SYT1: variants seen among roughly 807,000 people sequenced by gnomAD.
SYT1 encodes synaptotagmin-1.
A neutral mutation model predicts 44.8 loss-of-function variants in SYT1; 8 were observed. The observed-to-expected ratio is 0.18, with a 90% CI of 0.10 to 0.32. The LOEUF is 0.32. Ranked by LOEUF, SYT1 falls within the 10% of genes least tolerant of loss-of-function variation. SYT1 has a pLI of 1.00. For synonymous variants in SYT1, 154 were observed against 188.8 expected (o/e 0.82, Z 1.51); for missense variants, 286 against 509.3 (o/e 0.56, Z 4.22).
intron 1 of SYT1, among the ~76,000 whole-genome samples, chr12:78,899,043 CTG>C (rs1875516737): frequency 6.6e-6 from 1 of 152,034 alleles, no homozygotes; most frequent in Non-Finnish European, 1.5e-5. Context: ...TGGCATGACT[CTG>C]TATTAACTTT....
intron 1 of SYT1, among the ~76,000 whole-genome samples, chr12:78,911,265 G>T (rs1009052392): frequency 6.6e-6 from 1 of 151,952 alleles, no homozygotes; most frequent in Non-Finnish European, 1.5e-5. Flanking sequence ...TTTGATTTTG[G>T]ACATGAATAT....
intron 9 of SYT1, among the ~76,000 whole-genome samples, chr12:79,422,554 C>T (rs575466294): frequency 6.6e-6 from 1 of 151,820 alleles, no homozygotes; most frequent in South Asian, 2.1e-4. Context: ...ATTTTGGATA[C>T]CATCCACTTA....
chr12:79,283,645 G>A (rs1879161219), intron 4 of SYT1, among the ~76,000 whole-genome samples: 1 of 152,042 alleles, frequency 6.6e-6, no homozygotes, highest in Admixed American at 6.5e-5. Flanking sequence ...ATGCATGACA[G>A]GATTTTAACT....
At chr12:79,181,838 T>C (rs1470811868) in intron 3 of SYT1, among the ~76,000 whole-genome samples, 1 of 152,088 alleles carries the variant, frequency 6.6e-6, no homozygotes, top group African/African-American at 2.4e-5. Flanking sequence ...ATTGTGTTCC[T>C]ATCAATTCTA....
intron 4 of SYT1, among the ~76,000 whole-genome samples, chr12:79,259,986 A>C (rs1877741481): frequency 6.6e-6 from 1 of 152,200 alleles, no homozygotes; most frequent in African/African-American, 2.4e-5. Flanking sequence ...GAAAAAATTC[A>C]GTGTAGAACC....
chr12:78,940,872 A>G (rs757890816), intron 1 of SYT1, among the ~76,000 whole-genome samples: 3 of 152,130 alleles, frequency 2.0e-5, no homozygotes, highest in Non-Finnish European at 4.4e-5. Context: ...AGATTAGTGG[A>G]CTAGTACAAC....
chr12:79,079,656 A>G (rs921493288), intron 3 of SYT1, among the ~76,000 whole-genome samples: 5 of 152,060 alleles, frequency 3.3e-5, no homozygotes, highest in Non-Finnish European at 7.4e-5. Flanking sequence ...AATGTTCTAT[A>G]TCAACCACAG....
At chr12:79,297,911 C>T (rs1879951189) in intron 7 of SYT1, among the ~76,000 whole-genome samples, 3 of 152,158 alleles carry the variant, frequency 2.0e-5, no homozygotes, top group Admixed American at 2.0e-4. Context: ...GAAGGAGCTA[C>T]TAATCATTCA....
At chr12:79,253,483 GTCTCTCTCTCTCTCTCTC>G (rs60179268) in intron 4 of SYT1, among the ~76,000 whole-genome samples, 2 of 129,404 alleles carry the variant, frequency 1.5e-5, no homozygotes, top group African/African-American at 2.8e-5. Context: ...CCATTGCCCA[GTCTCTCTCTCTCTCTCTC>G]TCTCTCTCTC....
At chr12:79,431,870 T>G (rs1338496065) in intron 9 of SYT1, among the ~76,000 whole-genome samples, 1 of 152,138 alleles carries the variant, frequency 6.6e-6, no homozygotes, top group Non-Finnish European at 1.5e-5. Context: ...GGCCCCATAG[T>G]TTATTTTTAT....
chr12:79,062,752 T>C (rs961989260), intron 3 of SYT1, among the ~76,000 whole-genome samples: 3 of 152,194 alleles, frequency 2.0e-5, no homozygotes, highest in African/African-American at 4.8e-5. Context: ...GAATCACTTC[T>C]GTGAGATTTT....
chr12:78,874,526 A>T (rs938577945), intron 1 of SYT1, among the ~76,000 whole-genome samples: 2 of 151,592 alleles, frequency 1.3e-5, no homozygotes, highest in Admixed American at 6.6e-5. Context: ...AAATGCAATA[A>T]TGTTTGCAAA....
intron 3 of SYT1, among the ~76,000 whole-genome samples, chr12:79,109,191 G>A (rs531658722): frequency 2.4e-4 from 37 of 152,284 alleles, no homozygotes; most frequent in Admixed American, 1.5e-3. Context: ...AACCCAGTGC[G>A]CACTCCTCCC....
chr12:79,224,568 G>A (rs1437677477), intron 4 of SYT1, among the ~76,000 whole-genome samples: 2 of 152,066 alleles, frequency 1.3e-5, no homozygotes, highest in African/African-American at 2.4e-5. Flanking sequence ...TAGATTGAAC[G>A]AGGTGGAGAC....
intron 8 of SYT1, among the ~76,000 whole-genome samples, chr12:79,313,558 G>T (rs61344510): frequency 0.3 from 45,712 of 150,150 alleles, 7,323 homozygotes; most frequent in East Asian, 0.58. Flanking sequence ...CCAATAAGAG[G>T]GTATTTCCGT....
At chr12:79,172,744 A>G (rs574302609) in intron 3 of SYT1, among the ~76,000 whole-genome samples, 1 of 151,716 alleles carries the variant, frequency 6.6e-6, no homozygotes, top group Admixed American at 6.6e-5. Context: ...CTTCTATGAA[A>G]TCTCTCATTA....
chr12:78,914,940 C>T (rs1178812732), intron 1 of SYT1, among the ~76,000 whole-genome samples: 1 of 151,886 alleles, frequency 6.6e-6, no homozygotes, highest in Non-Finnish European at 1.5e-5. Flanking sequence ...TTTGGGGATT[C>T]CAAAGAGGGT....
At chr12:79,009,446 T>A (rs931653958) in intron 2 of SYT1, among the ~76,000 whole-genome samples, 1 of 152,210 alleles carries the variant, frequency 6.6e-6, no homozygotes, top group Non-Finnish European at 1.5e-5. Context: ...TACTTCCTTA[T>A]GGATGAGCAT....
intron 8 of SYT1, among the ~76,000 whole-genome samples, chr12:79,320,812 G>A (rs1592963782): frequency 2.0e-5 from 3 of 151,938 alleles, no homozygotes; most frequent in Admixed American, 2.0e-4. Context: ...TAGTAGAGAT[G>A]GGGTTTCACC....
Sources: allele counts gnomAD v4.1 joint callset (sites outside exome capture counted in the v4.1 genomes callset), GRCh38; gene constraint gnomAD v4.1.1; transcripts MANE v1.5; gene names NCBI Gene and HGNC (gene_info 2026-07-23, HGNC 2026-07-21).